The following PID1 variants were observed in gnomAD, a reference collection of about 807,000 sequenced individuals.
PID1 encodes the protein PTB-containing, cubilin and LRP1-interacting protein.
PID1 carries 10 observed loss-of-function variants against 19.1 expected under a neutral mutation model. The ratio of observed to expected loss-of-function variants is 0.52; its 90% confidence interval spans 0.32 to 0.89. The LOEUF (loss-of-function observed/expected upper bound fraction) is 0.89. PID1 is among the 40% of genes least tolerant of loss of function. PID1 has a pLI of 0.03. For missense variants in PID1, 248 were observed against 285.3 expected (o/e 0.87, Z 0.94); for synonymous variants, 130 against 116.0 (o/e 1.12, Z -0.78).
chr2:229,176,629 G>T (rs1011239263), intron 1 of PID1, among the ~76,000 whole-genome samples: 4 of 152,108 alleles, frequency 2.6e-5, no homozygotes, highest in Non-Finnish European at 4.4e-5. Flanking sequence ...CATTAATATT[G>T]TTTTTCAACC....
chr2:229,264,980 G>T (rs115656696), intron 1 of PID1, among the ~76,000 whole-genome samples: 4,238 of 152,212 alleles, frequency 0.028, 195 homozygotes, highest in African/African-American at 0.097. Flanking sequence ...TCTGTTTATT[G>T]AGCACCTACT....
chr2:229,137,327 T>G (rs1009688138), intron 2 of PID1, among the ~76,000 whole-genome samples: 1 of 152,202 alleles, frequency 6.6e-6, no homozygotes, highest in African/African-American at 2.4e-5. Flanking sequence ...ACATGTGTGT[T>G]TTAACAAAAA....
At chr2:229,065,266 T>G (rs917681552) in intron 2 of PID1, among the ~76,000 whole-genome samples, 2 of 152,162 alleles carry the variant, frequency 1.3e-5, no homozygotes, top group Admixed American at 1.3e-4. Flanking sequence ...TGAGAAATAC[T>G]GTTAAGTTCT....
At chr2:229,085,910 G>T (rs907653733) in intron 2 of PID1, among the ~76,000 whole-genome samples, 6 of 152,004 alleles carry the variant, frequency 3.9e-5, no homozygotes, top group South Asian at 2.1e-4. Flanking sequence ...CAGTTGAGGG[G>T]AAATCTGTCT....
chr2:229,120,777 G>A (rs570267206), intron 2 of PID1, among the ~76,000 whole-genome samples: 36 of 152,146 alleles, frequency 2.4e-4, no homozygotes, highest in African/African-American at 8.4e-4. Flanking sequence ...TTTGAGTCAT[G>A]GGGGTAGATC....
intron 2 of PID1, among the ~76,000 whole-genome samples, chr2:229,087,252 T>C (rs1694787031): frequency 1.3e-5 from 2 of 152,164 alleles, no homozygotes; most frequent in African/African-American, 4.8e-5. Flanking sequence ...CACGCATACA[T>C]TTTTCAAATC....
chr2:229,043,145 A>G (rs1693807123), intron 2 of PID1, among the ~76,000 whole-genome samples: 1 of 151,792 alleles, frequency 6.6e-6, no homozygotes, highest in South Asian at 2.1e-4. Context: ...AGCTGTGATT[A>G]CAGGGGCTCG....
At chr2:229,049,809 T>C (rs551941396) in intron 2 of PID1, among the ~76,000 whole-genome samples, 1 of 152,256 alleles carries the variant, frequency 6.6e-6, no homozygotes, top group African/African-American at 2.4e-5. Flanking sequence ...AGAACACACA[T>C]AACTCTGGAA....
intron 2 of PID1, among the ~76,000 whole-genome samples, chr2:229,049,987 G>A (rs544885276): frequency 2.0e-5 from 3 of 152,092 alleles, no homozygotes; most frequent in South Asian, 2.1e-4. Flanking sequence ...ACACACCTAC[G>A]TATAATTAAC....
At chr2:229,109,839 G>C (rs1387867978) in intron 2 of PID1, among the ~76,000 whole-genome samples, 1 of 152,212 alleles carries the variant, frequency 6.6e-6, no homozygotes, top group African/African-American at 2.4e-5. Context: ...CAGAGCATCA[G>C]TGAAGAGCAG....
intron 1 of PID1, among the ~76,000 whole-genome samples, chr2:229,204,408 C>A (rs1208220317): frequency 6.6e-6 from 1 of 152,054 alleles, no homozygotes; most frequent in African/African-American, 2.4e-5. Context: ...TAGTTTGAAA[C>A]ATGGTAAAAT....
intron 1 of PID1, among the ~76,000 whole-genome samples, chr2:229,181,598 C>T (rs1158758527): frequency 6.6e-6 from 1 of 152,172 alleles, no homozygotes; most frequent in East Asian, 1.9e-4. Flanking sequence ...CCAAATATTC[C>T]TCTAAGGCTT....
Position 229,025,940 on chromosome 2 carries a change from C to T in PID1, c.346G>A (p.Asp116Asn), listed in dbSNP as rs777064626. 12 of 1,614,028 alleles carry T rather than the reference C, an allele frequency of 7.4e-6. No individual in the cohort carries two copies. The highest frequency in any genetic ancestry group is 1.7e-5 in the Admixed American group (1 of 60,000). ...RPFQVWLHHL[D>N]HKGEATVHMD... ...TGCACTGTGGCCTCCCCTTTGTGGTCGAGATGATGGAGCCAAACTTGGAAT... is the reference window on the plus strand; with the variant it reads ...TGCACTGTGGCCTCCCCTTTGTGGTTGAGATGATGGAGCCAAACTTGGAAT... Residue 116 changes from aspartate (D) to asparagine (N), a missense_variant, in exon 3 of 3, where the codon GAC becomes AAC. Physicochemically the swap from Asp to Asn is conservative, Grantham distance 23 (BLOSUM62 1). Transcript: ENST00000392055.
At chr2:229,077,469 T>A (rs1352778927) in intron 2 of PID1, among the ~76,000 whole-genome samples, 1 of 152,222 alleles carries the variant, frequency 6.6e-6, no homozygotes, top group Non-Finnish European at 1.5e-5. Context: ...CAGGCCTATG[T>A]CCTAAATAGT....
At chr2:229,151,175 C>T (rs1559258427) in intron 2 of PID1, among the ~76,000 whole-genome samples, 1 of 151,910 alleles carries the variant, frequency 6.6e-6, no homozygotes. Context: ...GTGCAGAAGC[C>T]TGAAGAAAAG....
chr2:229,219,696 C>A (rs768112831), intron 1 of PID1, among the ~76,000 whole-genome samples: 4 of 151,802 alleles, frequency 2.6e-5, no homozygotes, highest in Non-Finnish European at 5.9e-5. Flanking sequence ...ACCACCACAC[C>A]TGGCTAATTT....
intron 2 of PID1, among the ~76,000 whole-genome samples, chr2:229,134,683 C>A (rs545328640): frequency 9.2e-5 from 14 of 152,236 alleles, no homozygotes; most frequent in South Asian, 2.1e-4. Flanking sequence ...AGGGTATCAC[C>A]TTATTTTTTT....
At chr2:229,241,766 A>G (rs1371152208) in intron 1 of PID1, among the ~76,000 whole-genome samples, 1 of 152,164 alleles carries the variant, frequency 6.6e-6, no homozygotes, top group African/African-American at 2.4e-5. Flanking sequence ...TGAAGTTAAA[A>G]TAGAATCTTT....
chr2:229,243,372 G>A (rs915432600), intron 1 of PID1, among the ~76,000 whole-genome samples: 6 of 152,024 alleles, frequency 3.9e-5, no homozygotes, highest in Admixed American at 3.3e-4. Flanking sequence ...CCTTAAACAG[G>A]TTACATCGTC....
Sources: gnomAD v4.1 joint callset for allele counts (sites outside exome capture counted in the v4.1 genomes callset) on GRCh38, gnomAD v4.1.1 for gene constraint, MANE v1.5 for transcripts, NCBI Gene and HGNC (gene_info 2026-07-23, HGNC 2026-07-21) for gene names.